TMPRSS6: variants seen among roughly 807,000 people sequenced by gnomAD.
The protein encoded by TMPRSS6 is transmembrane protease serine 6.
A neutral mutation model predicts 101.5 loss-of-function variants in TMPRSS6; 67 were observed. That is an observed-to-expected ratio of 0.66 (90% confidence interval 0.54 to 0.81). The LOEUF (loss-of-function observed/expected upper bound fraction) is 0.81. Ranked by LOEUF, TMPRSS6 falls within the 30% of genes least tolerant of loss-of-function variation. The pLI, the probability that TMPRSS6 is intolerant of heterozygous loss-of-function variation, is 0.00. For missense variants in TMPRSS6, 1,034 were observed against 1,088.7 expected, an observed-to-expected ratio of 0.95 and a Z score of 0.71; for synonymous variants, 453 against 464.9, an observed-to-expected ratio of 0.97 and a Z score of 0.33.
chr22:37,075,275 C>G lies in TMPRSS6; in HGVS notation c.1202G>C (p.Cys401Ser). 6.2e-7 allele frequency: 1 copy of G among 1,613,512 alleles called. No individual in the cohort carries two copies. The part of the protein sequence containing the change: ...GQWTIQNRRL[C>S]GLRILQPYAE... ...GTAGGGCTGCAGGATGCGCAAGCCA[C>G]ACAGCCTGGGGGGAGTCAGAGACGA... The change falls in exon 11 of 18, where the codon TGT becomes TCT. Residue 401 changes from cysteine to serine, a missense_variant. By Grantham distance (112) the Cys-to-Ser change is moderately radical. Coordinates refer to ENST00000676104, the MANE Select transcript of TMPRSS6 (RefSeq NM_001374504.1).
intron 5 of TMPRSS6, 38 bp from the exon 6 acceptor site, chr22:37,095,630 A>C (rs1248872566): frequency 7.3e-6 from 2 of 274,668 alleles, no homozygotes; most frequent in Non-Finnish European, 1.1e-5. Context: ...AAACAAGAAC[A>C]AAAAAAAAAA....
intron 13 of TMPRSS6, 51 bp downstream of exon 13, chr22:37,073,481 G>T: frequency 7.8e-7 from 1 of 1,289,054 alleles, no homozygotes. Flanking sequence ...CATGTAGCAG[G>T]CCTAGACTGC....
intron 4 of TMPRSS6, 85 bp from the exon 5 acceptor site, chr22:37,096,175 T>A (rs1929748210): frequency 4.8e-6 from 7 of 1,458,998 alleles, no homozygotes; most frequent in Non-Finnish European, 6.7e-6. Context: ...CATCGAGCAC[T>A]TTCCGCACCT....
In TMPRSS6 at chr22:37,095,997, C is replaced by G. The variant is rs749543473; in HGVS notation, c.498G>C (p.Leu166=). ...TGACTGTGGACAGCAGCTCCTCCAC[C>G]AGCAGTGCCTGCACCACCTCGGGGC... ...MLSPEVVQAL[L]VEELLSTVNS... The change falls in exon 5 of 18, where the codon CTG becomes CTC. Residue 166 remains leucine (L), a synonymous_variant. Coordinates refer to ENST00000676104, the MANE Select transcript of TMPRSS6 (RefSeq NM_001374504.1). The G allele has an allele frequency of 6.2e-7, 1 of 1,614,230 alleles. No individual in the cohort carries two copies. Among genetic ancestry groups the G allele is most frequent in the South Asian group, 1.1e-5 (1 of 91,092 alleles).
rs1051522514 is a variant in TMPRSS6 at position 37,081,598 on chromosome 22, G to A, written c.1196+2697C>T. Among the ~76,000 whole-genome samples the A allele has an allele frequency of 7.2e-5, 11 of 152,132 alleles. No homozygotes were observed. The South Asian group carries it at 1.7e-3, about 23-fold the overall frequency. Reference sequence around the variant, plus strand: ...GGGATCCATGCAAACCCTGATGCCAGCCCCTGCTGAGCACTTCCACCCCCG... The same window carrying A: ...GGGATCCATGCAAACCCTGATGCCAACCCCTGCTGAGCACTTCCACCCCCG... On this transcript the variant is annotated intron_variant, in intron 10 of 17. Coordinates refer to ENST00000676104, the MANE Select transcript of TMPRSS6 (RefSeq NM_001374504.1).
chr22:37,104,049 T>A (rs954182325), intron 1 of TMPRSS6, among the ~76,000 whole-genome samples: 6 of 152,160 alleles, frequency 3.9e-5, no homozygotes, highest in African/African-American at 1.4e-4. Context: ...TCATGAGACA[T>A]CTCACACTTA....
intron 13 of TMPRSS6, among the ~76,000 whole-genome samples, chr22:37,071,771 C>T (rs922316313): frequency 5.9e-5 from 9 of 152,046 alleles, no homozygotes; most frequent in Non-Finnish European, 8.8e-5. Flanking sequence ...ACTGAGCAGA[C>T]AAGCCAATGG....
intron 2 of TMPRSS6, among the ~76,000 whole-genome samples, chr22:37,102,451 G>A (rs941787885): frequency 1.3e-5 from 2 of 152,216 alleles, no homozygotes; most frequent in African/African-American, 4.8e-5. Context: ...ACTTCCCACT[G>A]TCAAAGGCAG....
chr22:37,097,942 GA>G (rs1929953259), intron 3 of TMPRSS6, among the ~76,000 whole-genome samples: 4 of 95,066 alleles, frequency 4.2e-5, no homozygotes, highest in African/African-American at 1.6e-4. Flanking sequence ...AGGGGGAGGA[GA>G]GGGCCACCGT....
chr22:37,077,935 C>G (rs958332419), intron 10 of TMPRSS6, among the ~76,000 whole-genome samples: 1 of 152,204 alleles, frequency 6.6e-6, no homozygotes, highest in Non-Finnish European at 1.5e-5. Flanking sequence ...GACCATGGTT[C>G]CCCCAGCCCA....
chr22:37,074,810 C>G, intron 11 of TMPRSS6, 102 bp from the exon 12 acceptor site: 1 of 1,244,848 alleles, frequency 8.0e-7, no homozygotes, highest in Non-Finnish European at 1.2e-6. Context: ...CACTCACACG[C>G]GCATGGACAG....
chr22:37,089,923 A>G, intron 6 of TMPRSS6, 141 bp from the exon 7 acceptor site: 1 of 714,188 alleles, frequency 1.4e-6, no homozygotes. Context: ...GACATGCTCT[A>G]CCCCATCCTT....
chr22:37,073,996 G>A lies in TMPRSS6; in HGVS notation c.1442-351C>T, dbSNP rs375358859. Among the ~76,000 whole-genome samples, 221 of 152,132 alleles carry A rather than the reference G, an allele frequency of 1.5e-3. 1 individual carries two copies. The highest frequency in any genetic ancestry group is 4.4e-3 in the African/African-American group (183 of 41,500). ...ACTCCTGACCTCAGGTGATCCGCTC[G>A]ACTCCGCCTCCCAAAGTGCTAGGAT... is the stretch of plus-strand genomic sequence containing the variant. On this transcript the variant is annotated intron_variant, in intron 12 of 17. Transcript: ENST00000676104.
intron 12 of TMPRSS6, among the ~76,000 whole-genome samples, chr22:37,074,155 C>T (rs1355913457): frequency 6.6e-6 from 1 of 152,200 alleles, no homozygotes; most frequent in Non-Finnish European, 1.5e-5. Flanking sequence ...CTTGGCTGAG[C>T]CAGAACTTGA....
rs1242193626 is a variant in TMPRSS6, at chr22:37,101,608, C to T, written c.202+1608G>A. On this transcript the variant is annotated intron_variant, in intron 2 of 17. Coordinates refer to ENST00000676104, the MANE Select transcript of TMPRSS6 (RefSeq NM_001374504.1). The surrounding 1 kb of genome is among the most constrained non-coding windows in gnomAD (Gnocchi z 4.1). ...GCGGGAGGAGTCTTTCAAACAGCTC[C>T]CAAAGTGCCTCCTTCAACCCTTAAT... is the stretch of plus-strand genomic sequence containing the variant. 1.3e-5 allele frequency among the ~76,000 whole-genome samples: 2 copies of T among 152,094 alleles called. No individual in the cohort carries two copies. Among genetic ancestry groups the T allele is most frequent in the East Asian group, 3.9e-4 (2 of 5,186 alleles).
At chr22:37,110,256 G>A (rs990355839), upstream of TMPRSS6, among the ~76,000 whole-genome samples, 1 of 149,312 alleles carries the variant, frequency 6.7e-6, no homozygotes, top group Non-Finnish European at 1.5e-5. Context: ...CAATTCTCCT[G>A]CCTCAGCCTC....
chr22:37,095,647 AAAG>A (rs1380841267), intron 5 of TMPRSS6, 55 bp from the exon 6 acceptor site: 5 of 1,506,120 alleles, frequency 3.3e-6, no homozygotes, highest in Non-Finnish European at 4.5e-6. Context: ...AAAAAAAAGA[AAAG>A]AAAATACAAT....
chr22:37,084,191 T>G, intron 10 of TMPRSS6, 104 bp downstream of exon 10: 84 of 1,010,206 alleles, frequency 8.3e-5, no homozygotes, highest in Non-Finnish European at 1.2e-4. Context: ...GCTGCCCCTC[T>G]GAGATTGGGG....
intron 3 of TMPRSS6, among the ~76,000 whole-genome samples, chr22:37,097,009 C>T (rs1929823380): frequency 6.6e-6 from 1 of 152,224 alleles, no homozygotes. Context: ...TGAGAAACCC[C>T]ACTCGGCTCC....
Sources: allele counts gnomAD v4.1 joint callset (sites outside exome capture counted in the v4.1 genomes callset), GRCh38; gene constraint gnomAD v4.1.1; non-coding constraint Gnocchi (gnomAD v3.1); transcripts MANE v1.5; gene names NCBI Gene and HGNC (gene_info 2026-07-23, HGNC 2026-07-21).